ROBO2: variants seen among roughly 807,000 people sequenced by gnomAD.
The protein encoded by ROBO2 is roundabout guidance receptor 2, also known as roundabout homolog 2.
A neutral mutation model predicts 160.8 loss-of-function variants in ROBO2; 53 were observed. That is an observed-to-expected ratio of 0.33 (90% CI 0.26 to 0.41). The LOEUF (loss-of-function observed/expected upper bound fraction) is 0.41, where lower values mean the gene tolerates loss of function less well. Ranked by LOEUF, ROBO2 falls within the 10% of genes least tolerant of loss-of-function variation. The probability of loss-of-function intolerance (pLI) is 1.00; values close to 1 mark genes in which losing one functional copy is unlikely to be tolerated. For synonymous variants in ROBO2, 664 were observed against 611.7 expected (o/e 1.09, Z -1.26); for missense variants, 1,577 against 1,722.4 (o/e 0.92, Z 1.49).
chr3:77,501,923 A>T (rs2087674737), intron 5 of ROBO2, among the ~76,000 whole-genome samples: 1 of 152,182 alleles, frequency 6.6e-6, no homozygotes, highest in Admixed American at 6.5e-5. Context: ...ACTGATTCAA[A>T]ATAGCTGTTT....
At chr3:76,801,978 G>C (rs1190848333) in intron 2 of ROBO2, among the ~76,000 whole-genome samples, 1 of 152,130 alleles carries the variant, frequency 6.6e-6, no homozygotes, top group Non-Finnish European at 1.5e-5. Context: ...GGTCAGAGGA[G>C]AAGTCAGAAC....
intron 2 of ROBO2, among the ~76,000 whole-genome samples, chr3:77,358,883 T>C (rs922275707): frequency 6.6e-6 from 1 of 152,172 alleles, no homozygotes; most frequent in African/African-American, 2.4e-5. Flanking sequence ...TTTGGTAAGG[T>C]AAATTATTAT....
chr3:77,597,281 A>G (rs2094327561), intron 19 of ROBO2, among the ~76,000 whole-genome samples: 1 of 149,406 alleles, frequency 6.7e-6, no homozygotes, highest in African/African-American at 2.4e-5. Context: ...TTCCACAACT[A>G]GTAACTGTTA....
chr3:76,748,970 A>G (rs2093936105), intron 2 of ROBO2, among the ~76,000 whole-genome samples: 1 of 151,870 alleles, frequency 6.6e-6, no homozygotes, highest in South Asian at 2.1e-4. Context: ...ATATGTTTTG[A>G]CTTATCTTTC....
intron 6 of ROBO2, among the ~76,000 whole-genome samples, chr3:77,525,438 A>G (rs1327820390): frequency 6.7e-6 from 1 of 148,494 alleles, no homozygotes; most frequent in Non-Finnish European, 1.5e-5. Context: ...AAAAAAAACT[A>G]TAAATTGAGG....
intron 2 of ROBO2, among the ~76,000 whole-genome samples, chr3:77,179,472 T>G (rs917932312): frequency 1.3e-5 from 2 of 151,858 alleles, no homozygotes; most frequent in Non-Finnish European, 2.9e-5. Context: ...TGAAAAAAAA[T>G]ACTGTGGTAT....
chr3:77,259,270 TA>T (rs769032464), intron 2 of ROBO2, among the ~76,000 whole-genome samples: 1 of 152,034 alleles, frequency 6.6e-6, no homozygotes, highest in African/African-American at 2.4e-5. Flanking sequence ...TGGTCAGTGC[TA>T]AAAAAAATTA....
intron 2 of ROBO2, among the ~76,000 whole-genome samples, chr3:76,437,924 C>T (rs934557872): frequency 3.3e-5 from 5 of 152,092 alleles, no homozygotes; most frequent in Admixed American, 2.0e-4. Flanking sequence ...AAATTCATTG[C>T]GACAACATGG....
chr3:77,579,510 T>G (rs2093857653), intron 15 of ROBO2, among the ~76,000 whole-genome samples: 1 of 152,160 alleles, frequency 6.6e-6, no homozygotes, highest in African/African-American at 2.4e-5. Flanking sequence ...ATATTACAAC[T>G]TATAATCACC....
intron 2 of ROBO2, among the ~76,000 whole-genome samples, chr3:76,558,315 A>G (rs142478930): frequency 6.6e-6 from 1 of 151,328 alleles, no homozygotes; most frequent in East Asian, 2.0e-4. Context: ...AAAATATTCA[A>G]GTACTATTCA....
chr3:76,030,799 G>T (rs569995736), intron 2 of ROBO2, among the ~76,000 whole-genome samples: 47 of 152,114 alleles, frequency 3.1e-4, no homozygotes, highest in African/African-American at 1.1e-3. Context: ...GTCAGGTAGC[G>T]TGATGCCTCC....
chr3:76,712,012 T>G (rs1156801205), intron 2 of ROBO2, among the ~76,000 whole-genome samples: 2 of 152,206 alleles, frequency 1.3e-5, no homozygotes, highest in East Asian at 3.9e-4. Flanking sequence ...ATAGGAAGTT[T>G]CCTCAATTTA....
chr3:76,741,438 C>T (rs969397219), intron 2 of ROBO2, among the ~76,000 whole-genome samples: 13 of 152,046 alleles, frequency 8.6e-5, no homozygotes, highest in African/African-American at 2.9e-4. Flanking sequence ...AGTCTTTTAA[C>T]ATAAGTGAAG....
At chr3:77,187,810 T>G (rs1287633969) in intron 2 of ROBO2, among the ~76,000 whole-genome samples, 1 of 151,942 alleles carries the variant, frequency 6.6e-6, no homozygotes, top group Non-Finnish European at 1.5e-5. Flanking sequence ...GAAGTATAAT[T>G]AGTATATTTG....
Position 76,922,895 on chromosome 3 carries a change from T to A in ROBO2, c.110-175119T>A, listed in dbSNP as rs544975841. On this transcript the variant is annotated intron_variant, in intron 2 of 26. Transcript: ENST00000487694. ...GGCTGTTATTATTTCATTTAGTCAC[T>A]GATACAGGCTTTCCAGCTTTCCTGA... Among the ~76,000 whole-genome samples, 7 of 152,358 alleles carry A rather than the reference T, an allele frequency of 4.6e-5. No individual in the cohort carries two copies. In the East Asian group the frequency reaches 1.2e-3, roughly 25 times the overall value.
chr3:77,107,121 T>G (rs375906564), intron 2 of ROBO2, among the ~76,000 whole-genome samples: 1 of 152,250 alleles, frequency 6.6e-6, no homozygotes, highest in East Asian at 1.9e-4. Flanking sequence ...AGGCCCCACC[T>G]CCTGGTTCAT....
chr3:76,622,110 G>A (rs1365748189), intron 2 of ROBO2, among the ~76,000 whole-genome samples: 1 of 151,512 alleles, frequency 6.6e-6, no homozygotes, highest in South Asian at 2.1e-4. Context: ...TTGGGAGGCT[G>A]AGGCAGGAGG....
chr3:76,876,240 A>C (rs936238785), intron 2 of ROBO2, among the ~76,000 whole-genome samples: 1 of 152,234 alleles, frequency 6.6e-6, no homozygotes, highest in Non-Finnish European at 1.5e-5. Context: ...TTAACTCATC[A>C]AACGAAAACA....
intron 2 of ROBO2, among the ~76,000 whole-genome samples, chr3:76,605,152 CT>C (rs1203046911): frequency 1.3e-5 from 2 of 152,024 alleles, no homozygotes; most frequent in Admixed American, 6.5e-5. Flanking sequence ...TGTTGAATGG[CT>C]ATGCTAAACA....
Sources: allele counts gnomAD v4.1 joint callset (sites outside exome capture counted in the v4.1 genomes callset), GRCh38; gene constraint gnomAD v4.1.1; transcripts MANE v1.5; gene names NCBI Gene and HGNC (gene_info 2026-07-23, HGNC 2026-07-21).